Variants in BTBD18 observed in about 807,000 individuals in gnomAD.
BTBD18 encodes the protein BTB/POZ domain-containing protein 18.
For synonymous variants in BTBD18, 311 were observed against 324.4 expected (o/e 0.96, Z 0.44); for missense variants, 787 against 846.3 (o/e 0.93, Z 0.87).
At chr11:57,750,018 G>A (rs555495490) in intron 2 of BTBD18, among the ~76,000 whole-genome samples, 2 of 152,244 alleles carry the variant, frequency 1.3e-5, no homozygotes, top group Admixed American at 1.3e-4. Flanking sequence ...AAGTGAAGGG[G>A]TGGAAATAAC....
At chr11:57,747,538 G>A (rs548376229) in intron 2 of BTBD18, among the ~76,000 whole-genome samples, 4 of 151,934 alleles carry the variant, frequency 2.6e-5, no homozygotes, top group South Asian at 2.1e-4. Flanking sequence ...TTTTTGAGGC[G>A]GAGTCTCACT....
intron 2 of BTBD18, among the ~76,000 whole-genome samples, chr11:57,747,088 C>A (rs1347778166): frequency 6.6e-6 from 1 of 152,216 alleles, no homozygotes; most frequent in Non-Finnish European, 1.5e-5. Context: ...AACTTGTGGT[C>A]TAACAGAAAG....
chr11:57,750,029 C>T lies in BTBD18; in HGVS notation c.124+1036G>A, dbSNP rs117027163. On this transcript the variant is annotated intron_variant, in intron 2 of 2. Coordinates refer to ENST00000422652, the MANE Select transcript of BTBD18 (RefSeq NM_001145101.3). The stretch of plus-strand genomic sequence containing the variant: ...TGTGAAGTGAAGGGGTGGAAATAAC[C>T]TATACATTTTTAGTTCTAGCAACAA... Among the ~76,000 whole-genome samples, 124 of 152,194 alleles carry T rather than the reference C, an allele frequency of 8.1e-4. 3 individuals are homozygous for T. The East Asian group carries it at 0.022, about 27-fold the overall frequency.
intron 2 of BTBD18, among the ~76,000 whole-genome samples, chr11:57,749,172 T>C (rs1354376458): frequency 2.0e-5 from 3 of 152,258 alleles, no homozygotes; most frequent in Admixed American, 1.3e-4. Context: ...TACCCAATTA[T>C]ATTTTTAATA....
Position 57,744,930 on chromosome 11 carries a change from G to T in BTBD18, c.1343C>A (p.Ser448Tyr). 1 of 1,551,552 alleles carries T rather than the reference G, an allele frequency of 6.4e-7. No homozygotes were observed. Residue 448 changes from serine (S) to tyrosine (Y), a missense_variant, in exon 3 of 3, where the codon TCC becomes TAC. Transcript: ENST00000422652. ...DHPVVKSEFE[S>Y]SPELVEKEPM... ...TTCCTTCTCTACCAGTTCTGGACTG[G>T]ACTCAAACTCTGACTTCACCACTGG...
chr11:57,750,708 T>C (rs1481780461), intron 2 of BTBD18, among the ~76,000 whole-genome samples: 2 of 152,144 alleles, frequency 1.3e-5, no homozygotes, highest in South Asian at 2.1e-4. Flanking sequence ...GAAAACATAA[T>C]AGTATCATCT....
At position 57,744,695 on chromosome 11, in the gene BTBD18, G is replaced by A. The variant is rs962349130; in HGVS notation, c.1578C>T (p.Thr526=). The stretch of plus-strand genomic sequence containing the variant: ...TCTTTCCTGTTTCTGTCAGATGGTA[G>A]GTAGGCGTTCTGCAGCCCTCAGCCC... ...SPGAEGCRTP[T]YHLTETGKNW... Residue 526 remains threonine, a synonymous_variant, in exon 3 of 3, where the codon ACC becomes ACT. Coordinates refer to ENST00000422652, the MANE Select transcript of BTBD18 (RefSeq NM_001145101.3). The A allele has an allele frequency of 2.3e-5, 35 of 1,551,608 alleles. No homozygotes were observed. Among genetic ancestry groups the A allele is most frequent in the Non-Finnish European group, 3.1e-5 (35 of 1,147,004 alleles).
intron 2 of BTBD18, among the ~76,000 whole-genome samples, chr11:57,746,576 G>A (rs1192098238): frequency 3.9e-5 from 6 of 151,906 alleles, no homozygotes; most frequent in East Asian, 1.9e-4. Context: ...CACCCGCCTC[G>A]GCCTCCCAGA....
Position 57,745,813 on chromosome 11 carries a change from C to T in BTBD18, c.460G>A (p.Ala154Thr). Reference sequence around the variant, plus strand: ...TGGTGGCTGGGTGTCACCACTCTGGCAGAGATTGGTGCAGCACTTGTTGGT... The same window carrying T: ...TGGTGGCTGGGTGTCACCACTCTGGTAGAGATTGGTGCAGCACTTGTTGGT... ...LQPTSAAPIS[A>T]RVVTPSHHPH... Residue 154 changes from alanine to threonine, a missense_variant, in exon 3 of 3, where the codon GCC becomes ACC. Physicochemically the swap from Ala to Thr is moderately conservative, Grantham distance 58 (BLOSUM62 0). Transcript: ENST00000422652. 6.4e-7 allele frequency: 1 copy of T among 1,551,522 alleles called. No homozygotes were observed. The highest frequency in any genetic ancestry group is 8.7e-7 in the Non-Finnish European group (1 of 1,146,952).
intron 2 of BTBD18, among the ~76,000 whole-genome samples, chr11:57,749,187 GCA>G (rs1461169010): frequency 3.3e-5 from 5 of 152,106 alleles, no homozygotes; most frequent in Admixed American, 3.3e-4. Context: ...TTAATATATT[GCA>G]CAGTTACTTG....
Position 57,747,502 on chromosome 11 carries a change from TTTTTTG to T in BTBD18, c.125-1360_125-1355del, listed in dbSNP as rs376936358. Among the ~76,000 whole-genome samples, 394 of 152,136 alleles carry T rather than the reference TTTTTTG, an allele frequency of 2.6e-3. 1 individual carries two copies. The highest frequency in any genetic ancestry group is 0.012 in the East Asian group (60 of 5,172). On this transcript the variant is annotated intron_variant, in intron 2 of 2. Coordinates refer to ENST00000422652, the MANE Select transcript of BTBD18 (RefSeq NM_001145101.3). ...CATCACATCTAATTAAGTATCAGGG[TTTTTTG>T]TTTTTGTTTTTGTTTTTGTTTTTTG...
intron 2 of BTBD18, among the ~76,000 whole-genome samples, chr11:57,750,118 C>A (rs1949276599): frequency 6.6e-6 from 1 of 152,222 alleles, no homozygotes; most frequent in Admixed American, 6.5e-5. Context: ...TGGCTCACGC[C>A]TGTAATCCCA....
At position 57,743,593 on chromosome 11, in the gene BTBD18, G is replaced by A. The variant is rs1373620893; in HGVS notation, c.*541C>T. On this transcript the variant is annotated 3_prime_UTR_variant, in exon 3 of 3. Coordinates refer to ENST00000422652, the MANE Select transcript of BTBD18 (RefSeq NM_001145101.3). ...AACTTACTTTTTGGAAGTAATGATG[G>A]AAGTACATCTTCTTGGCCCCTGCAG... 4 of 152,268 alleles carry A rather than the reference G, an allele frequency of 2.6e-5. No individual in the cohort carries two copies. Among genetic ancestry groups the A allele is most frequent in the Non-Finnish European group, 5.9e-5 (4 of 68,090 alleles). The allele number at this position is 152,268 out of a possible 1,614,324, so 9.4% of individuals were successfully genotyped here.
Position 57,745,819 on chromosome 11 carries a change from T to C in BTBD18, c.454A>G (p.Ile152Val). The change falls in exon 3 of 3, where the codon ATC becomes GTC. Residue 152 changes from isoleucine (I) to valine (V), a missense_variant. Coordinates refer to ENST00000422652, the MANE Select transcript of BTBD18 (RefSeq NM_001145101.3). Reference protein sequence around the residue: ...ECLQPTSAAPISARVVTPSHH... With the variant: ...ECLQPTSAAPVSARVVTPSHH... Reference sequence around the variant, plus strand: ...CTGGGTGTCACCACTCTGGCAGAGATTGGTGCAGCACTTGTTGGTTGTAAG... The same window carrying C: ...CTGGGTGTCACCACTCTGGCAGAGACTGGTGCAGCACTTGTTGGTTGTAAG... The C allele has an allele frequency of 6.4e-7, 1 of 1,551,548 alleles. No homozygotes were observed.
At chr11:57,747,548 T>C (rs555667006) in intron 2 of BTBD18, among the ~76,000 whole-genome samples, 89 of 152,296 alleles carry the variant, frequency 5.8e-4, no homozygotes, top group African/African-American at 2.1e-3. Flanking sequence ...GGAGTCTCAC[T>C]CTGTGGCCCA....
chr11:57,745,057 C>T lies in BTBD18; in HGVS notation c.1216G>A (p.Glu406Lys). Residue 406 changes from glutamate (E) to lysine (K), a missense_variant, in exon 3 of 3, where the codon GAG (glutamate) becomes AAG (lysine). Transcript: ENST00000422652. ...PSGTQPFSSN[E>K]QEMSPTRTEL... is the part of the protein sequence containing the mutation. ...GTTCTAGTAGGTGACATTTCCTGCT[C>T]ATTACTGGAGAATGGCTGAGTTCCT... The T allele has an allele frequency of 6.4e-7, 1 of 1,551,644 alleles. No homozygotes were observed. Among genetic ancestry groups the T allele is most frequent in the South Asian group, 1.2e-5 (1 of 84,056 alleles).
Position 57,746,025 on chromosome 11 carries a change from A to G in BTBD18, c.248T>C (p.Ile83Thr), listed in dbSNP as rs758663075. The G allele has an allele frequency of 1.9e-6, 3 of 1,551,600 alleles. No individual in the cohort carries two copies. The South Asian group carries it at 3.6e-5, about 18-fold the overall frequency. Residue 83 changes from isoleucine (I) to threonine (T), a missense_variant, in exon 3 of 3, where the codon ATC becomes ACC. Coordinates refer to ENST00000422652, the MANE Select transcript of BTBD18 (RefSeq NM_001145101.3). ...KVVLELGGLK[I>T]STLRKLVDFL... ...GTCCACCAGCTTCCTAAGTGTGCTGATCTTCAGGCCACCCAGCTCTAGCAC... is the reference window on the plus strand; with the variant it reads ...GTCCACCAGCTTCCTAAGTGTGCTGGTCTTCAGGCCACCCAGCTCTAGCAC...
At chr11:57,752,562 T>G (rs898431188), upstream of BTBD18, among the ~76,000 whole-genome samples, 1 of 151,494 alleles carries the variant, frequency 6.6e-6, no homozygotes, top group African/African-American at 2.4e-5. Flanking sequence ...GTGAGAGAGA[T>G]GTGGATGGAG....
chr11:57,752,881 G>A (rs1591002274), upstream of BTBD18, among the ~76,000 whole-genome samples: 1 of 152,364 alleles, frequency 6.6e-6, no homozygotes, highest in Middle Eastern at 3.4e-3. Context: ...CCGCACGCTT[G>A]GGCGCCCTGG....
Sources: allele counts gnomAD v4.1 joint callset (sites outside exome capture counted in the v4.1 genomes callset), GRCh38; gene constraint gnomAD v4.1.1; transcripts MANE v1.5; gene names NCBI Gene and HGNC (gene_info 2026-07-23, HGNC 2026-07-21).